Variants in PPP2R2D observed in about 807,000 individuals in gnomAD.
PPP2R2D encodes the protein protein phosphatase 2 regulatory subunit Bdelta.
Under a neutral mutation model 31.1 loss-of-function variants are expected in PPP2R2D, and 9 were observed. The ratio of observed to expected loss-of-function variants is 0.29; its 90% CI spans 0.17 to 0.51. The LOEUF (loss-of-function observed/expected upper bound fraction) is 0.51, where lower values mean the gene tolerates loss of function less well. PPP2R2D is among the 20% of genes least tolerant of loss of function. The probability of loss-of-function intolerance (pLI) is 0.98; values close to 1 mark genes in which losing one functional copy is unlikely to be tolerated. For missense variants in PPP2R2D, 391 were observed against 465.6 expected, an observed-to-expected ratio of 0.84 and a Z score of 1.48; for synonymous variants, 179 against 172.6, an observed-to-expected ratio of 1.04 and a Z score of -0.29.
At chr10:131,965,685 A>G in the PPP2R2D span, among the ~76,000 whole-genome samples, 2 of 152,150 alleles carry the variant, frequency 1.3e-5, no homozygotes, top group South Asian at 2.1e-4. Flanking sequence ...AGCCCAGGCA[A>G]TCCACCCGCC....
chr10:131,944,602 C>G (rs1554897683), intron 6 of PPP2R2D, among the ~76,000 whole-genome samples: 1 of 152,210 alleles, frequency 6.6e-6, no homozygotes, highest in Non-Finnish European at 1.5e-5. Flanking sequence ...TCACATGGGC[C>G]CCTTTCCAGC....
At position 131,955,853 on chromosome 10, in the gene PPP2R2D, A is replaced by G. The variant is rs1589966173; in HGVS notation, c.1252A>G (p.Ser418Gly). The change falls in exon 9 of 9, where the codon AGT becomes GGT. Residue 418 changes from serine (S) to glycine (G), a missense_variant. By Grantham distance (56) the Ser-to-Gly change is moderately conservative. Transcript: ENST00000455566. ...KRRKDEISVD[S>G]LDFNKKILHT... Reference sequence around the variant, plus strand: ...GAGGAAAGACGAGATCAGTGTGGACAGTCTGGACTTCAACAAGAAGATCCT... The same window carrying G: ...GAGGAAAGACGAGATCAGTGTGGACGGTCTGGACTTCAACAAGAAGATCCT... 2 of 1,610,850 alleles carry G rather than the reference A, an allele frequency of 1.2e-6. No individual in the cohort carries two copies. Among genetic ancestry groups the G allele is most frequent in the East Asian group, 4.5e-5 (2 of 44,480 alleles).
At chr10:131,917,786 G>A (rs2035846537) in intron 2 of PPP2R2D, among the ~76,000 whole-genome samples, 2 of 130,016 alleles carry the variant, frequency 1.5e-5, no homozygotes, top group Non-Finnish European at 3.3e-5. Flanking sequence ...CACAGTGTAG[G>A]GACCTCACGT....
chr10:131,954,565 G>A (rs2036757252), intron 8 of PPP2R2D, among the ~76,000 whole-genome samples: 1 of 152,172 alleles, frequency 6.6e-6, no homozygotes, highest in Non-Finnish European at 1.5e-5. Flanking sequence ...TGGGCTCCTG[G>A]ATGGAAGCAG....
chr10:131,942,468 G>A (rs1343373550), intron 5 of PPP2R2D, among the ~76,000 whole-genome samples: 1 of 152,168 alleles, frequency 6.6e-6, no homozygotes, highest in Non-Finnish European at 1.5e-5. Flanking sequence ...GTTCAGAGTG[G>A]GCTATTTATG....
At chr10:131,971,071 G>C in the PPP2R2D span, 111 of 1,060,474 alleles carry the variant, frequency 1.0e-4, 2 homozygotes, top group African/African-American at 1.5e-3. Context: ...CTCAATTCAA[G>C]AGCCCAGAGG....
chr10:131,969,426 GT>G, the PPP2R2D span: 1 of 152,220 alleles, frequency 6.6e-6, no homozygotes, highest in Non-Finnish European at 1.5e-5. Flanking sequence ...AAACTGCCTG[GT>G]GATGCTGATG....
chr10:131,906,833 C>T (rs1212462262), intron 2 of PPP2R2D, among the ~76,000 whole-genome samples: 1 of 151,474 alleles, frequency 6.6e-6, no homozygotes, highest in East Asian at 1.9e-4. Flanking sequence ...CCCAGCTACT[C>T]AGGAGGCTGA....
intron 2 of PPP2R2D, among the ~76,000 whole-genome samples, chr10:131,921,168 T>G (rs1454362997): frequency 3.3e-5 from 5 of 152,228 alleles, no homozygotes; most frequent in African/African-American, 1.2e-4. Flanking sequence ...TGTCACTGCC[T>G]TCTTGCTAGT....
intron 2 of PPP2R2D, among the ~76,000 whole-genome samples, chr10:131,922,760 T>G (rs2036017670): frequency 6.6e-6 from 1 of 152,124 alleles, no homozygotes; most frequent in South Asian, 2.1e-4. Context: ...TCTGTCAATT[T>G]TTTTCTTAAA....
downstream of PPP2R2D, among the ~76,000 whole-genome samples, chr10:131,962,567 C>T (rs1197922206): frequency 2.0e-5 from 3 of 152,196 alleles, no homozygotes; most frequent in Non-Finnish European, 4.4e-5. Flanking sequence ...GTGTCTTGGA[C>T]GTTTCTAACA....
downstream of PPP2R2D, among the ~76,000 whole-genome samples, chr10:131,960,236 C>T (rs563396857): frequency 3.3e-5 from 5 of 152,310 alleles, no homozygotes; most frequent in Admixed American, 2.0e-4. Flanking sequence ...TCAACAGGTG[C>T]GGAGAAAACT....
intron 2 of PPP2R2D, among the ~76,000 whole-genome samples, chr10:131,906,393 A>G (rs1180338729): frequency 1.3e-5 from 2 of 152,208 alleles, no homozygotes; most frequent in Non-Finnish European, 2.9e-5. Flanking sequence ...GCTTTGAATT[A>G]GACATTAACC....
intron 8 of PPP2R2D, among the ~76,000 whole-genome samples, chr10:131,951,735 G>C (rs1393564244): frequency 6.6e-6 from 1 of 152,110 alleles, no homozygotes. Flanking sequence ...CAGGAGAATC[G>C]CTTGAACCTT....
At chr10:131,905,328 T>C (rs1424801336) in intron 2 of PPP2R2D, among the ~76,000 whole-genome samples, 2 of 152,188 alleles carry the variant, frequency 1.3e-5, no homozygotes, top group African/African-American at 4.8e-5. Context: ...CGGTGGCTCC[T>C]TTCTGGAAAT....
chr10:131,956,270 A>T lies in PPP2R2D; in HGVS notation c.*307A>T. The T allele has an allele frequency of 9.3e-7, 1 of 1,070,540 alleles. No homozygotes were observed. 66.3% of individuals were successfully genotyped at this position (1,070,540 alleles called of 1,614,324 possible). A position where few individuals can be genotyped will look rare whatever the true frequency, so the allele number is the denominator to read the frequency against. On this transcript the variant is annotated 3_prime_UTR_variant, in exon 9 of 9. Coordinates refer to ENST00000455566, the MANE Select transcript of PPP2R2D (RefSeq NM_018461.5). ...CCGAGCCTTCCTTTCCAATTTATAG[A>T]CCAAAAAATTAACATCCAAGAGAAA...
chr10:131,938,511 G>T (rs111658076), intron 3 of PPP2R2D, among the ~76,000 whole-genome samples: 1 of 152,268 alleles, frequency 6.6e-6, no homozygotes, highest in African/African-American at 2.4e-5. Flanking sequence ...TGAAGCTCCT[G>T]TTGTCCCCTC....
At chr10:131,917,233 G>A (rs2119781714) in intron 2 of PPP2R2D, among the ~76,000 whole-genome samples, 1 of 144,272 alleles carries the variant, frequency 6.9e-6, no homozygotes, top group Non-Finnish European at 1.5e-5. Context: ...CCTCAGGCGG[G>A]TGGAATGACA....
chr10:131,952,258 T>A (rs1427248392), intron 8 of PPP2R2D, among the ~76,000 whole-genome samples: 11 of 110,106 alleles, frequency 1.0e-4, no homozygotes, highest in African/African-American at 3.0e-4. Context: ...GGTCCCTGTC[T>A]TAGCAGTGAC....
Sources: allele counts gnomAD v4.1 joint callset (sites outside exome capture counted in the v4.1 genomes callset), GRCh38; gene constraint gnomAD v4.1.1; transcripts MANE v1.5; gene names NCBI Gene and HGNC (gene_info 2026-07-23, HGNC 2026-07-21).